The following TMEM74 variants were observed in gnomAD, a reference collection of about 807,000 sequenced individuals.
The protein encoded by TMEM74 is transmembrane protein 74.
A neutral mutation model predicts 18.1 loss-of-function variants in TMEM74; 13 were observed. The observed-to-expected ratio is 0.72, with a 90% CI of 0.47 to 1.14. The LOEUF is 1.14. Ranked by LOEUF, TMEM74 falls within the 50% of genes most tolerant of loss-of-function variation. TMEM74 has a pLI of 0.00. For missense variants in TMEM74, 372 were observed against 375.9 expected (o/e 0.99, Z 0.09); for synonymous variants, 159 against 146.6 (o/e 1.08, Z -0.61).
intron 1 of TMEM74, among the ~76,000 whole-genome samples, chr8:108,715,208 T>G (rs1813511680): frequency 6.6e-6 from 1 of 152,070 alleles, no homozygotes; most frequent in Admixed American, 6.6e-5. Context: ...ACAAATATCT[T>G]TATTTAAGCT....
chr8:108,672,587 T>A (rs1532468), intron 1 of TMEM74, among the ~76,000 whole-genome samples: 5,663 of 152,258 alleles, frequency 0.037, 152 homozygotes, highest in East Asian at 0.12. Context: ...GGGCTGTTTG[T>A]TCTGTGTGAA....
intron 1 of TMEM74, among the ~76,000 whole-genome samples, chr8:108,695,502 A>T (rs1370294343): frequency 6.6e-6 from 1 of 152,198 alleles, no homozygotes; most frequent in African/African-American, 2.4e-5. Flanking sequence ...ACTCTATGTC[A>T]TAGTTACAAT....
chr8:108,741,692 T>C (rs1813802025), intron 1 of TMEM74, among the ~76,000 whole-genome samples: 1 of 152,202 alleles, frequency 6.6e-6, no homozygotes, highest in African/African-American at 2.4e-5. Flanking sequence ...GAACATTAGT[T>C]ATAGCTAACA....
intron 1 of TMEM74, among the ~76,000 whole-genome samples, chr8:108,767,853 A>C (rs1008186129): frequency 3.3e-5 from 5 of 152,070 alleles, no homozygotes; most frequent in African/African-American, 1.2e-4. Flanking sequence ...TGAGGTATAA[A>C]TATAGTGACC....
chr8:108,773,902 G>GC (rs1255067375), intron 1 of TMEM74, among the ~76,000 whole-genome samples: 1 of 152,144 alleles, frequency 6.6e-6, no homozygotes, highest in Non-Finnish European at 1.5e-5. Context: ...CAGCTAAGCT[G>GC]GTCCCAAATT....
chr8:108,772,170 G>A (rs1814180602), intron 1 of TMEM74, among the ~76,000 whole-genome samples: 1 of 150,008 alleles, frequency 6.7e-6, no homozygotes, highest in Non-Finnish European at 1.5e-5. Context: ...GGCTGTCCAG[G>A]TGGAATTCAT....
At chr8:108,648,758 T>C (rs1202211902) in intron 2 of TMEM74, among the ~76,000 whole-genome samples, 1 of 152,102 alleles carries the variant, frequency 6.6e-6, no homozygotes, top group Non-Finnish European at 1.5e-5. Flanking sequence ...GATTCCCCTC[T>C]AAAGCCACGA....
Position 108,686,509 on chromosome 8 carries a change from T to C in TMEM74, n.120-31072A>G, listed in dbSNP as rs879336237. On this transcript the variant is annotated intron_variant and non_coding_transcript_variant, in intron 1 of 3. Coordinates refer to the TMEM74 transcript ENST00000518838. ...GACCCACCGCGCCGGCCCTGTTTTA[T>C]ACTTCTTAAAAAAGACAGAATTGTG... 7.2e-5 allele frequency among the ~76,000 whole-genome samples: 11 copies of C among 152,098 alleles called. 1 individual carries two copies. Among genetic ancestry groups the C allele is most frequent in the Admixed American group, 7.2e-4 (11 of 15,250 alleles).
chr8:108,681,255 G>A (rs1813111762), intron 1 of TMEM74, among the ~76,000 whole-genome samples: 1 of 152,234 alleles, frequency 6.6e-6, no homozygotes, highest in Admixed American at 6.5e-5. Context: ...CACGCTACCT[G>A]ACTTCAAACT....
chr8:108,752,791 C>T (rs1407690440), intron 1 of TMEM74, among the ~76,000 whole-genome samples: 1 of 152,104 alleles, frequency 6.6e-6, no homozygotes, highest in Non-Finnish European at 1.5e-5. Flanking sequence ...CTCTTCCTTT[C>T]TCTAAATACA....
chr8:108,640,722 T>C (rs939243144), intron 2 of TMEM74, among the ~76,000 whole-genome samples: 1 of 152,146 alleles, frequency 6.6e-6, no homozygotes, highest in African/African-American at 2.4e-5. Context: ...CAACTGTGCA[T>C]TGGTTCAGAA....
intron 1 of TMEM74, among the ~76,000 whole-genome samples, chr8:108,706,458 T>A (rs1317266824): frequency 6.6e-6 from 1 of 152,184 alleles, no homozygotes; most frequent in Non-Finnish European, 1.5e-5. Flanking sequence ...AAATAGCTCA[T>A]CACCTCTTTT....
chr8:108,776,259 G>A (rs539683997), downstream of TMEM74, among the ~76,000 whole-genome samples: 5 of 152,328 alleles, frequency 3.3e-5, no homozygotes, highest in African/African-American at 9.6e-5. Flanking sequence ...TCGGGCAGCC[G>A]AGGCAGGCAG....
At chr8:108,714,712 A>T (rs1353207853) in intron 1 of TMEM74, among the ~76,000 whole-genome samples, 2 of 152,244 alleles carry the variant, frequency 1.3e-5, no homozygotes, top group Non-Finnish European at 2.9e-5. Flanking sequence ...TCTACCAAAA[A>T]GACACATGAA....
chr8:108,678,333 A>G (rs1053376985), intron 1 of TMEM74, among the ~76,000 whole-genome samples: 1 of 152,112 alleles, frequency 6.6e-6, no homozygotes, highest in South Asian at 2.1e-4. Flanking sequence ...GAAATCTGGA[A>G]ACAAAAAGTA....
At chr8:108,655,246 TTACTTGCC>T (rs949353390) in intron 2 of TMEM74, 1 of 152,164 alleles carries the variant, frequency 6.6e-6, no homozygotes, top group African/African-American at 2.4e-5. Flanking sequence ...CAGTAACTTC[TTACTTGCC>T]AGAGGCAAAT....
intron 1 of TMEM74, among the ~76,000 whole-genome samples, chr8:108,692,417 C>T (rs1204802551): frequency 2.0e-5 from 3 of 152,190 alleles, no homozygotes; most frequent in African/African-American, 7.2e-5. Context: ...CCTTCACCAA[C>T]CAATCCCATT....
intron 1 of TMEM74, among the ~76,000 whole-genome samples, chr8:108,736,755 TC>T (rs1813753214): frequency 6.6e-6 from 1 of 152,124 alleles, no homozygotes; most frequent in African/African-American, 2.4e-5. Flanking sequence ...TCACCACACC[TC>T]TATTTACCAT....
intron 2 of TMEM74, among the ~76,000 whole-genome samples, chr8:108,636,370 C>T (rs760351896): frequency 3.2e-4 from 49 of 151,870 alleles, no homozygotes; most frequent in Non-Finnish European, 5.7e-4. Context: ...AGGGTGGTCC[C>T]GACCAACCAT....
Sources: gnomAD v4.1 joint callset for allele counts (sites outside exome capture counted in the v4.1 genomes callset) on GRCh38, gnomAD v4.1.1 for gene constraint, MANE v1.5 for transcripts, NCBI Gene and HGNC (gene_info 2026-07-23, HGNC 2026-07-21) for gene names.